The following RPS6KA2 variants were observed in gnomAD, a reference collection of about 807,000 sequenced individuals.
RPS6KA2 encodes the protein ribosomal protein S6 kinase A2.
RPS6KA2 carries 42 observed loss-of-function variants against 91.8 expected under a neutral mutation model. The ratio of observed to expected loss-of-function variants is 0.46; its 90% CI spans 0.36 to 0.59. The LOEUF is 0.59. Ranked by LOEUF, RPS6KA2 falls within the 20% of genes least tolerant of loss-of-function variation. The probability of loss-of-function intolerance (pLI) is 0.00; values close to 1 mark genes in which losing one functional copy is unlikely to be tolerated. For synonymous variants in RPS6KA2, 414 were observed against 393.6 expected (o/e 1.05, Z -0.61); for missense variants, 798 against 978.5 (o/e 0.82, Z 2.46).
At chr6:166,763,536 A>T (rs1778227002) in intron 2 of RPS6KA2, among the ~76,000 whole-genome samples, 1 of 152,226 alleles carries the variant, frequency 6.6e-6, no homozygotes, top group African/African-American at 2.4e-5. Flanking sequence ...GGTGCTTAGA[A>T]CATACTGAGT....
chr6:166,654,418 T>C (rs1261057962), intron 2 of RPS6KA2, among the ~76,000 whole-genome samples: 1 of 151,282 alleles, frequency 6.6e-6, no homozygotes, highest in Non-Finnish European at 1.5e-5. Context: ...CGGGCCCCAC[T>C]GCCAGCCGGG....
intron 2 of RPS6KA2, chr6:166,757,812 G>A (rs1031662845): frequency 2.0e-5 from 6 of 304,578 alleles, no homozygotes; most frequent in Non-Finnish European, 2.6e-5. Context: ...AACTCTGGCT[G>A]CAGACAAAAC....
chr6:166,738,575 C>T (rs1303766129), intron 2 of RPS6KA2, among the ~76,000 whole-genome samples: 1 of 152,094 alleles, frequency 6.6e-6, no homozygotes, highest in Non-Finnish European at 1.5e-5. Flanking sequence ...TCAAGCCCGG[C>T]GTGTGTAACT....
chr6:166,555,896 T>A (rs2128503271), intron 1 of RPS6KA2, among the ~76,000 whole-genome samples: 1 of 152,184 alleles, frequency 6.6e-6, no homozygotes, highest in African/African-American at 2.4e-5. Context: ...GACTAGAGGA[T>A]GCTGCTCTAG....
intron 11 of RPS6KA2, among the ~76,000 whole-genome samples, chr6:166,462,808 C>T (rs1482949117): frequency 6.6e-6 from 1 of 152,252 alleles, no homozygotes; most frequent in Non-Finnish European, 1.5e-5. Flanking sequence ...CAGACCCCAA[C>T]AAGACCAGAG....
intron 2 of RPS6KA2, among the ~76,000 whole-genome samples, chr6:166,798,526 G>A (rs552214080): frequency 1.3e-5 from 2 of 152,220 alleles, no homozygotes; most frequent in South Asian, 2.1e-4. Context: ...TCCCTGTTCC[G>A]GCTGCAGGAG....
intron 2 of RPS6KA2, among the ~76,000 whole-genome samples, chr6:166,745,760 C>A (rs539444687): frequency 6.6e-6 from 1 of 152,176 alleles, no homozygotes; most frequent in African/African-American, 2.4e-5. Flanking sequence ...CTATCTACCT[C>A]GGGTGTGTGA....
chr6:166,602,364 G>A (rs560531402), intron 1 of RPS6KA2, among the ~76,000 whole-genome samples: 1 of 152,332 alleles, frequency 6.6e-6, no homozygotes, highest in Non-Finnish European at 1.5e-5. Context: ...ATATACCCGA[G>A]AGAACCTCCC....
rs964024089 is a variant in RPS6KA2 at position 166,648,107 on chromosome 6, C to T, written c.124-109323G>A. Among the ~76,000 whole-genome samples the T allele has an allele frequency of 1.8e-4, 22 of 119,668 alleles. No homozygotes were observed. Among genetic ancestry groups the T allele is most frequent in the African/African-American group, 5.9e-4 (20 of 33,940 alleles). The allele number at this position is 119,668 out of a possible 152,430, so 78.5% of individuals were successfully genotyped here. A position where few individuals can be genotyped will look rare whatever the true frequency, so the allele number is the denominator to read the frequency against. On this transcript the variant is annotated intron_variant, in intron 2 of 21. Coordinates refer to the RPS6KA2 transcript ENST00000503859. This position sits in a 1 kb window ranked among gnomAD's most constrained non-coding sequence, Gnocchi z 4.8. ...TCATACACACACGCTCATACACACACGTGCACACACACGCTCATACACATA... is the reference window on the plus strand; with the variant it reads ...TCATACACACACGCTCATACACACATGTGCACACACACGCTCATACACATA...
At chr6:166,793,504 T>G (rs2128615011) in intron 2 of RPS6KA2, among the ~76,000 whole-genome samples, 1 of 149,408 alleles carries the variant, frequency 6.7e-6, no homozygotes, top group Non-Finnish European at 1.5e-5. Flanking sequence ...AAAAAACTAC[T>G]TTAAAGTTCA....
chr6:166,746,340 C>T (rs1791011866), intron 2 of RPS6KA2, among the ~76,000 whole-genome samples: 1 of 152,228 alleles, frequency 6.6e-6, no homozygotes, highest in African/African-American at 2.4e-5. Context: ...CACAGGAAAA[C>T]TCAGCGTGTG....
chr6:166,436,220 G>A (rs984167707), intron 14 of RPS6KA2, among the ~76,000 whole-genome samples: 1 of 151,672 alleles, frequency 6.6e-6, no homozygotes, highest in East Asian at 1.9e-4. Context: ...GCTGCTTTCG[G>A]TCCTGTCTGA....
At chr6:166,818,246 T>C (rs1325495958) in intron 2 of RPS6KA2, among the ~76,000 whole-genome samples, 1 of 152,202 alleles carries the variant, frequency 6.6e-6, no homozygotes, top group African/African-American at 2.4e-5. Flanking sequence ...AAATCATAGA[T>C]TGATCACGCT....
intron 2 of RPS6KA2, among the ~76,000 whole-genome samples, chr6:166,812,002 G>C (rs1779648902): frequency 6.6e-6 from 1 of 152,186 alleles, no homozygotes; most frequent in Non-Finnish European, 1.5e-5. Flanking sequence ...TTTTAAATGA[G>C]TCCGGGGAAC....
rs1314029050 is a variant in RPS6KA2, at chr6:166,790,946, C to T, written c.123+67254G>A. Among the ~76,000 whole-genome samples the T allele has an allele frequency of 2.0e-5, 3 of 152,318 alleles. No homozygotes were observed. In the East Asian group the frequency reaches 5.8e-4, roughly 29 times the overall value. On this transcript the variant is annotated intron_variant, in intron 2 of 21. Transcript: ENST00000503859. ...AAAGACCATCAAGGCTAGGAAGAAA[C>T]TACATCAACTAACGAGCAAAATAAC... is the stretch of plus-strand genomic sequence containing the variant.
intron 1 of RPS6KA2, among the ~76,000 whole-genome samples, chr6:166,581,139 C>T (rs1415040817): frequency 1.3e-5 from 2 of 152,100 alleles, no homozygotes; most frequent in Non-Finnish European, 2.9e-5. Flanking sequence ...GATCTGCCCG[C>T]CTCGGCCTCC....
intron 2 of RPS6KA2, among the ~76,000 whole-genome samples, chr6:166,534,021 G>A (rs945750776): frequency 6.6e-6 from 1 of 152,078 alleles, no homozygotes; most frequent in Admixed American, 6.5e-5. Flanking sequence ...AGGAGATTGA[G>A]ACCATTCTGG....
At chr6:166,621,038 C>T (rs911577078) in intron 1 of RPS6KA2, among the ~76,000 whole-genome samples, 1 of 152,202 alleles carries the variant, frequency 6.6e-6, no homozygotes, top group African/African-American at 2.4e-5. Flanking sequence ...AACCACCCAG[C>T]CTGGGGAGCT....
chr6:166,642,601 G>A (rs947892317), intron 2 of RPS6KA2, among the ~76,000 whole-genome samples: 1 of 152,186 alleles, frequency 6.6e-6, no homozygotes, highest in East Asian at 1.9e-4. Context: ...GATTGGTTAA[G>A]CATACATGCT....
Sources: gnomAD v4.1 joint callset for allele counts (sites outside exome capture counted in the v4.1 genomes callset) on GRCh38, gnomAD v4.1.1 for gene constraint, Gnocchi (gnomAD v3.1) non-coding constraint, MANE v1.5 for transcripts, NCBI Gene and HGNC (gene_info 2026-07-23, HGNC 2026-07-21) for gene names.